The following DGKK variants were observed in gnomAD, a reference collection of about 807,000 sequenced individuals.
DGKK encodes diacylglycerol kinase kappa.
DGKK carries 35 observed loss-of-function variants against 92.2 expected under a neutral mutation model. The ratio of observed to expected loss-of-function variants is 0.38; its 90% CI spans 0.29 to 0.50. The LOEUF (loss-of-function observed/expected upper bound fraction) is 0.50, where lower values mean the gene tolerates loss of function less well. Among genes scored for constraint, DGKK ranks in the 20% least tolerant of loss-of-function variants. The pLI is 0.92. For missense variants in DGKK, 910 were observed against 992.2 expected (o/e 0.92, Z 1.11); for synonymous variants, 368 against 360.6 (o/e 1.02, Z -0.23).
At chrX:50,382,431 T>C (rs1924435137) in intron 18 of DGKK, 65 bp downstream of exon 18, 7 of 784,546 alleles carry the variant, frequency 8.9e-6, no homozygotes, top group Non-Finnish European at 1.1e-5. Flanking sequence ...GTAGAGAATG[T>C]AGGAATACGT....
intron 15 of DGKK, 26 bp downstream of exon 15, chrX:50,386,332 A>G: frequency 8.8e-7 from 1 of 1,141,507 alleles, no homozygotes; most frequent in Non-Finnish European, 1.2e-6. Flanking sequence ...CCCCTACCTC[A>G]GTCACTACAA....
intron 15 of DGKK, among the ~76,000 whole-genome samples, 198 bp downstream of exon 15, chrX:50,386,160 G>A (rs782021000): frequency 8.1e-5 from 9 of 111,488 alleles, no homozygotes; most frequent in African/African-American, 2.9e-4. Context: ...GGTAGGAGGA[G>A]CCAAAGGGGC....
rs781795515 is a variant in DGKK at position 50,384,178 on chromosome X, G to T, written c.2539C>A (p.Pro847Thr). 8.7e-7 allele frequency: 1 copy of T among 1,154,165 alleles called. No homozygotes were observed. The highest frequency in any genetic ancestry group is 2.4e-5 in the Admixed American group (1 of 41,340). ...GAGTTAAATACTTACATAGATTCAG[G>T]TGTAAAATGTAAGTGATCCAAGTTA... ...NLNLDHLHFT[P>T]ESIRFKEKCV... is the part of the protein sequence containing the mutation. Residue 847 changes from proline to threonine, a missense_variant, in exon 17 of 28, where the codon CCT (proline) becomes ACT (threonine). Coordinates refer to ENST00000611977, the MANE Select transcript of DGKK (RefSeq NM_001013742.4).
chrX:50,439,762 G>A (rs1926122374), intron 1 of DGKK, among the ~76,000 whole-genome samples: 2 of 111,245 alleles, frequency 1.8e-5, no homozygotes, highest in Admixed American at 9.6e-5. Context: ...AGATCACTGG[G>A]AAAAGAAACA....
intron 15 of DGKK, among the ~76,000 whole-genome samples, chrX:50,385,339 G>T (rs1557224864): frequency 9.0e-6 from 1 of 111,587 alleles, no homozygotes; most frequent in Admixed American, 9.6e-5. Context: ...TAGCTGAGAT[G>T]CCCAGTCTCA....
At chrX:50,398,756 A>C (rs1557226327) in intron 8 of DGKK, among the ~76,000 whole-genome samples, 1 of 112,025 alleles carries the variant, frequency 8.9e-6, no homozygotes, top group African/African-American at 3.2e-5. Context: ...AACCCTCTTA[A>C]CACCTATTTG....
At chrX:50,371,127 C>A (rs1268855933) in intron 26 of DGKK, among the ~76,000 whole-genome samples, 2 of 112,710 alleles carry the variant, frequency 1.8e-5, no homozygotes, top group Admixed American at 1.9e-4. Flanking sequence ...GCAGATCATG[C>A]AGGCTCTGTA....
At position 50,366,443 on chromosome X, in the gene DGKK, C is replaced by A. The variant is rs1255052667; in HGVS notation, c.*2497G>T. 9.0e-6 allele frequency: 1 copy of A among 111,731 alleles called. No homozygotes were observed. Among genetic ancestry groups the A allele is most frequent in the South Asian group, 3.8e-4 (1 of 2,620 alleles). The allele number at this position is 111,731 out of a possible 1,213,427, so 9.2% of individuals were successfully genotyped here. On this transcript the variant is annotated 3_prime_UTR_variant, in exon 28 of 28. Transcript: ENST00000611977. ...GGTTTCAGTCAATATCATTCTGACT[C>A]AGAGTGGGAGGACAGGGTAGGTGAA...
At chrX:50,371,378 G>A (rs1456314194) in intron 26 of DGKK, among the ~76,000 whole-genome samples, 1 of 112,129 alleles carries the variant, frequency 8.9e-6, no homozygotes, top group East Asian at 2.8e-4. Flanking sequence ...AGTCCTGGCA[G>A]CAGGTGCTGA....
intron 14 of DGKK, 75 bp from the exon 15 acceptor site, chrX:50,386,661 T>G: frequency 1.1e-6 from 1 of 909,554 alleles, no homozygotes; most frequent in Admixed American, 2.6e-5. Context: ...GGAGTGGTGG[T>G]GATATGGGGA....
At chrX:50,428,634 C>T (rs1557229949) in intron 1 of DGKK, among the ~76,000 whole-genome samples, 2 of 111,678 alleles carry the variant, frequency 1.8e-5, no homozygotes, top group African/African-American at 3.3e-5. Flanking sequence ...TAGGCAAGGG[C>T]TCTCCCTTCA....
At position 50,403,045 on chromosome X, in the gene DGKK, A is replaced by G. The variant is rs1557226809; in HGVS notation, c.1308+16T>C. The stretch of plus-strand genomic sequence containing the variant: ...GGAGTTAAGTTCTCTAAATATCAAG[A>G]TGAGAAGAGTCTTACCGTAGAATTA... On this transcript the variant is annotated intron_variant, in intron 7 of 27. Coordinates refer to ENST00000611977, the MANE Select transcript of DGKK (RefSeq NM_001013742.4). The G allele has an allele frequency of 8.3e-7, 1 of 1,209,119 alleles. No homozygotes were observed. Among genetic ancestry groups the G allele is most frequent in the Non-Finnish European group, 1.1e-6 (1 of 894,008 alleles).
In DGKK at chrX:50,392,354, C is replaced by A. The variant is rs782549921; in HGVS notation, c.1691G>T (p.Gly564Val). 1 of 1,205,109 alleles carries A rather than the reference C, an allele frequency of 8.3e-7. No individual in the cohort carries two copies. The highest frequency in any genetic ancestry group is 3.0e-5 in the East Asian group (1 of 33,806). Residue 564 changes from glycine to valine, a missense_variant, in exon 10 of 28, where the codon GGA becomes GTA. Gly to Val is a moderately radical substitution (Grantham distance 109). Coordinates refer to ENST00000611977, the MANE Select transcript of DGKK (RefSeq NM_001013742.4). ...SWVLSLIDAF[G>V]LHEKCQLAVI... Reference sequence around the variant, plus strand: ...CCAGGGACTTACCTTTTCATGTAATCCAAAGGCATCAATCAGAGATAAGAC... The same window carrying A: ...CCAGGGACTTACCTTTTCATGTAATACAAAGGCATCAATCAGAGATAAGAC...
chrX:50,461,704 GT>G (rs1408972656), intron 1 of DGKK, among the ~76,000 whole-genome samples: 1 of 112,083 alleles, frequency 8.9e-6, no homozygotes, highest in Non-Finnish European at 1.9e-5. Context: ...CATCCATGTG[GT>G]TTTGTTCACT....
In DGKK at chrX:50,469,174, C is replaced by T. The variant is rs1926986915; in HGVS notation, c.645+860G>A. On this transcript the variant is annotated intron_variant, in intron 1 of 27. Coordinates refer to ENST00000611977, the MANE Select transcript of DGKK (RefSeq NM_001013742.4). ...ACGATTTAGAAGGCGTCGCGGTAGA[C>T]TGGTAGAGATGAAGGTTCCCCTTCA... 2.7e-5 allele frequency among the ~76,000 whole-genome samples: 3 copies of T among 111,473 alleles called. No homozygotes were observed. In the Admixed American group the frequency reaches 2.8e-4, roughly 11 times the overall value.
At chrX:50,399,220 C>T (rs1557226361) in intron 8 of DGKK, among the ~76,000 whole-genome samples, 1 of 106,546 alleles carries the variant, frequency 9.4e-6, no homozygotes, top group Non-Finnish European at 1.9e-5. Context: ...GAAAAATAAC[C>T]GGAAGGATCT....
At chrX:50,406,026 G>T (rs1313118036) in intron 4 of DGKK, among the ~76,000 whole-genome samples, 1 of 111,872 alleles carries the variant, frequency 8.9e-6, no homozygotes, top group African/African-American at 3.3e-5. Flanking sequence ...TGGAGATGCA[G>T]AGATGAATAA....
At chrX:50,461,385 G>A (rs1557233335) in intron 1 of DGKK, among the ~76,000 whole-genome samples, 5 of 112,245 alleles carry the variant, frequency 4.5e-5, no homozygotes, top group Non-Finnish European at 9.4e-5. Flanking sequence ...AAGACTATAA[G>A]CAAATATTCA....
chrX:50,429,036 A>G (rs868961495), intron 1 of DGKK, among the ~76,000 whole-genome samples: 1 of 111,923 alleles, frequency 8.9e-6, no homozygotes, highest in African/African-American at 3.3e-5. Context: ...CAAGGTAACA[A>G]GCAAATGCAT....
Sources: allele counts gnomAD v4.1 joint callset (sites outside exome capture counted in the v4.1 genomes callset), GRCh38; gene constraint gnomAD v4.1.1; transcripts MANE v1.5; gene names NCBI Gene and HGNC (gene_info 2026-07-23, HGNC 2026-07-21).